The following YAP1 variants were observed in gnomAD, a reference collection of about 807,000 sequenced individuals.
The protein encoded by YAP1 is transcriptional coactivator YAP1.
In YAP1, 5 loss-of-function variants were observed where a neutral mutation model predicts 56.9. The ratio of observed to expected loss-of-function variants is 0.09; its 90% CI spans 0.05 to 0.18. The LOEUF is 0.18. Among genes scored for constraint, YAP1 ranks in the 10% least tolerant of loss-of-function variants. YAP1 has a pLI of 1.00. For missense variants in YAP1, 539 were observed against 651.8 expected, an observed-to-expected ratio of 0.83 and a Z score of 1.88; for synonymous variants, 265 against 248.1, an observed-to-expected ratio of 1.07 and a Z score of -0.64.
intron 8 of YAP1, among the ~76,000 whole-genome samples, chr11:102,228,450 C>T (rs1362315247): frequency 6.6e-6 from 1 of 151,814 alleles, no homozygotes; most frequent in East Asian, 1.9e-4. Flanking sequence ...GCCTGGCCAA[C>T]ATGGTGAAAC....
chr11:102,202,330 G>T (rs867004263), intron 4 of YAP1, among the ~76,000 whole-genome samples: 115 of 103,566 alleles, frequency 1.1e-3, no homozygotes, highest in Middle Eastern at 4.8e-3. Context: ...ACCACACCTG[G>T]CTAATTTTTT....
At chr11:102,227,152 G>A in intron 7 of YAP1, 1 of 255,348 alleles carries the variant, frequency 3.9e-6, no homozygotes, top group Non-Finnish European at 7.6e-6. Flanking sequence ...TACTGATGCA[G>A]AGAATTTTCT....
chr11:102,137,110 T>G (rs1490959246), intron 2 of YAP1, among the ~76,000 whole-genome samples: 2 of 152,192 alleles, frequency 1.3e-5, no homozygotes, highest in African/African-American at 4.8e-5. Flanking sequence ...ATCTGTCTCC[T>G]TTGCCCTTTA....
At chr11:102,173,710 C>T (rs2135449414) in intron 3 of YAP1, among the ~76,000 whole-genome samples, 1 of 152,292 alleles carries the variant, frequency 6.6e-6, no homozygotes, top group South Asian at 2.1e-4. Context: ...TTGGATCGAT[C>T]CAAGATTTGA....
intron 3 of YAP1, among the ~76,000 whole-genome samples, chr11:102,178,208 A>C (rs1947375883): frequency 6.6e-6 from 1 of 152,222 alleles, no homozygotes; most frequent in Admixed American, 6.5e-5. Flanking sequence ...CCAGAATTTC[A>C]AAACAAGCAG....
At chr11:102,150,991 G>A (rs947149354) in intron 2 of YAP1, among the ~76,000 whole-genome samples, 3 of 151,652 alleles carry the variant, frequency 2.0e-5, no homozygotes, top group African/African-American at 7.3e-5. Context: ...AGTAGAGACA[G>A]GGTTTCACCA....
intron 3 of YAP1, among the ~76,000 whole-genome samples, chr11:102,180,763 A>G (rs1302848059): frequency 6.6e-6 from 1 of 152,006 alleles, no homozygotes; most frequent in African/African-American, 2.4e-5. Context: ...ATATAAAGAA[A>G]TTTTTTTACT....
At chr11:102,204,644 A>G (rs1028661650) in intron 4 of YAP1, among the ~76,000 whole-genome samples, 1 of 152,248 alleles carries the variant, frequency 6.6e-6, no homozygotes, top group Non-Finnish European at 1.5e-5. Flanking sequence ...AATGGGACAC[A>G]TTAAAAATCA....
intron 3 of YAP1, among the ~76,000 whole-genome samples, chr11:102,176,255 G>C (rs931561138): frequency 6.6e-6 from 1 of 152,180 alleles, no homozygotes; most frequent in Non-Finnish European, 1.5e-5. Context: ...TTTCCCTATA[G>C]TCTAGGGCAG....
Position 102,183,702 on chromosome 11 carries a change from C to CTGTGTGTGTGTGTG in YAP1, c.689-2292_689-2279dup, listed in dbSNP as rs140546191. Among the ~76,000 whole-genome samples the CTGTGTGTGTGTGTG allele has an allele frequency of 9.9e-3, 1,408 of 141,780 alleles. 16 individuals are homozygous for CTGTGTGTGTGTGTG. Among genetic ancestry groups the CTGTGTGTGTGTGTG allele is most frequent in the East Asian group, 0.027 (129 of 4,736 alleles). 93.0% of individuals were successfully genotyped at this position (141,780 alleles called of 152,430 possible). ...GCTAAGGTGGGGAATAATGCTGTTT[C>CTGTGTGTGTGTGTG]TGTGTGTGTGTGTGTGTGTGTGTGT... On this transcript the variant is annotated intron_variant, in intron 3 of 8. Coordinates refer to ENST00000282441, the MANE Select transcript of YAP1 (RefSeq NM_001130145.3).
chr11:102,130,494 T>G (rs1278747854), intron 2 of YAP1, among the ~76,000 whole-genome samples: 2 of 152,014 alleles, frequency 1.3e-5, no homozygotes, highest in Non-Finnish European at 2.9e-5. Context: ...GCCTCAATCC[T>G]CTGGACTTAG....
At chr11:102,200,949 A>G (rs1324071619) in intron 4 of YAP1, among the ~76,000 whole-genome samples, 1 of 152,032 alleles carries the variant, frequency 6.6e-6, no homozygotes, top group African/African-American at 2.4e-5. Flanking sequence ...GCAAAAAAGC[A>G]CTCTTACATT....
At chr11:102,212,506 A>G (rs1292792002) in intron 6 of YAP1, among the ~76,000 whole-genome samples, 1 of 152,224 alleles carries the variant, frequency 6.6e-6, no homozygotes. Context: ...TATCACCTTA[A>G]TTTATTATAC....
intron 2 of YAP1, among the ~76,000 whole-genome samples, chr11:102,141,324 C>T (rs1453442028): frequency 7.2e-5 from 11 of 152,226 alleles, no homozygotes; most frequent in African/African-American, 2.7e-4. Context: ...CCAGTCATTT[C>T]AGAAGCATTG....
chr11:102,158,203 G>T (rs930706314), intron 2 of YAP1, among the ~76,000 whole-genome samples: 6 of 152,162 alleles, frequency 3.9e-5, no homozygotes, highest in Non-Finnish European at 7.4e-5. Flanking sequence ...GAGGACAAAA[G>T]ATACAATATA....
Position 102,110,783 on chromosome 11 carries a change from C to T in YAP1, c.-66C>T. 7.9e-7 allele frequency: 1 copy of T among 1,263,196 alleles called. No homozygotes were observed. The highest frequency in any genetic ancestry group is 9.9e-7 in the Non-Finnish European group (1 of 1,005,260). 78.2% of individuals were successfully genotyped at this position (1,263,196 alleles called of 1,614,324 possible). ...GCTTCTCCACCTCGGCCCGTGGAGCCGGGGCGTCCGGGCGTAGCCCTCGCT... is the reference window on the plus strand; with the variant it reads ...GCTTCTCCACCTCGGCCCGTGGAGCTGGGGCGTCCGGGCGTAGCCCTCGCT... On this transcript the variant is annotated 5_prime_UTR_variant, in exon 1 of 9. Transcript: ENST00000282441.
chr11:102,189,977 C>T (rs541356685), intron 4 of YAP1, among the ~76,000 whole-genome samples: 8 of 152,236 alleles, frequency 5.3e-5, no homozygotes, highest in African/African-American at 1.7e-4. Flanking sequence ...GATGAAAATG[C>T]ACCTAACAAC....
At chr11:102,212,579 ATTTTTATTTTTATTTT>A (rs1565275313) in intron 6 of YAP1, among the ~76,000 whole-genome samples, 1 of 151,582 alleles carries the variant, frequency 6.6e-6, no homozygotes, top group Non-Finnish European at 1.5e-5. Flanking sequence ...TTTTATTTTT[ATTTTTATTTTTATTTT>A]TATTTTGAGA....
rs1947489622 is a variant in YAP1 at position 102,180,001 on chromosome 11, AT to A, written c.689-6015del. 3.0e-5 allele frequency among the ~76,000 whole-genome samples: 4 copies of A among 131,968 alleles called. No homozygotes were observed. In the Admixed American group the frequency reaches 3.9e-4, roughly 13 times the overall value. 86.6% of individuals were successfully genotyped at this position (131,968 alleles called of 152,430 possible). ...ATTACATTCATTTCAGCCAACATTT[AT>A]TCTATTTTTTTTTTTTTTTTTTTTG... On this transcript the variant is annotated intron_variant, in intron 3 of 8. Transcript: ENST00000282441.
Sources: allele counts gnomAD v4.1 joint callset (sites outside exome capture counted in the v4.1 genomes callset), GRCh38; gene constraint gnomAD v4.1.1; transcripts MANE v1.5; gene names NCBI Gene and HGNC (gene_info 2026-07-23, HGNC 2026-07-21).